Variants in DNAJC5B observed in about 807,000 individuals in gnomAD.
DNAJC5B encodes dnaJ homolog subfamily C member 5B.
A neutral mutation model predicts 24.7 loss-of-function variants in DNAJC5B; 23 were observed. That is an observed-to-expected ratio of 0.93 (90% CI 0.67 to 1.32). The LOEUF (loss-of-function observed/expected upper bound fraction) is 1.32. DNAJC5B is among the 40% of genes most tolerant of loss of function. The probability of loss-of-function intolerance (pLI) is 0.00; values close to 1 mark genes in which losing one functional copy is unlikely to be tolerated. For missense variants in DNAJC5B, 238 were observed against 240.8 expected (o/e 0.99, Z 0.08); for synonymous variants, 101 against 90.1 (o/e 1.12, Z -0.68).
intron 1 of DNAJC5B, among the ~76,000 whole-genome samples, chr8:66,026,275 T>A (rs1479107480): frequency 6.6e-6 from 1 of 151,642 alleles, no homozygotes; most frequent in Non-Finnish European, 1.5e-5. Context: ...ATTGATTTTG[T>A]ATCCTGAGAC....
intron 5 of DNAJC5B, among the ~76,000 whole-genome samples, chr8:66,095,792 T>C (rs1807940522): frequency 6.6e-6 from 1 of 152,012 alleles, no homozygotes; most frequent in Non-Finnish European, 1.5e-5. Context: ...TATATCTTAA[T>C]TTTCAATCTT....
chr8:66,046,683 C>G (rs1806729818), intron 2 of DNAJC5B, among the ~76,000 whole-genome samples: 1 of 152,188 alleles, frequency 6.6e-6, no homozygotes, highest in African/African-American at 2.4e-5. Context: ...GCCCGCTGCC[C>G]CTCGGGGGCT....
At chr8:66,038,825 C>A (rs935020803) in intron 1 of DNAJC5B, among the ~76,000 whole-genome samples, 1 of 152,160 alleles carries the variant, frequency 6.6e-6, no homozygotes, top group Non-Finnish European at 1.5e-5. Flanking sequence ...TTTATTACAG[C>A]AATTGCTTAC....
intron 5 of DNAJC5B, among the ~76,000 whole-genome samples, chr8:66,081,742 G>A (rs1431016297): frequency 6.6e-6 from 1 of 152,078 alleles, no homozygotes; most frequent in Non-Finnish European, 1.5e-5. Flanking sequence ...AGGACAGAAG[G>A]AGTTTTCTTG....
In DNAJC5B at chr8:66,080,502, G is replaced by A. The variant is rs7006209; in HGVS notation, c.459G>A (p.Val153=). 78,408 of 1,613,428 alleles carry A rather than the reference G, an allele frequency of 0.049. 2,834 individuals are homozygous for A. Among genetic ancestry groups the A allele is most frequent in the African/African-American group, 0.18 (13,261 of 74,970 alleles). ...CAGTGCCAGAAGAGGACTTCTATGT[G>A]TCCCCAGAGGATCTGGAGGAGCAGA... The part of the protein sequence containing the change: ...ESSVPEEDFY[V]SPEDLEEQIK... The change falls in exon 5 of 6, where the codon GTG becomes GTA. Residue 153 remains valine (V), a synonymous_variant. Transcript: ENST00000276570.
upstream of DNAJC5B, among the ~76,000 whole-genome samples, chr8:66,019,948 C>T (rs888416728): frequency 3.9e-5 from 6 of 152,204 alleles, no homozygotes; most frequent in African/African-American, 1.4e-4. Context: ...TGTCCATTAA[C>T]CATTTCCCTA....
chr8:66,029,713 G>A (rs888943026), intron 1 of DNAJC5B, among the ~76,000 whole-genome samples: 2 of 152,128 alleles, frequency 1.3e-5, no homozygotes, highest in South Asian at 2.1e-4. Flanking sequence ...TTAATTGATC[G>A]GCCTGGTTTA....
At chr8:66,061,808 T>C (rs908686092) in intron 3 of DNAJC5B, among the ~76,000 whole-genome samples, 1 of 152,040 alleles carries the variant, frequency 6.6e-6, no homozygotes, top group South Asian at 2.1e-4. Flanking sequence ...TTAAAAATGT[T>C]GAAGGGACAC....
At chr8:66,038,511 ACTGCTTAG>A (rs1806537168) in intron 1 of DNAJC5B, among the ~76,000 whole-genome samples, 1 of 152,222 alleles carries the variant, frequency 6.6e-6, no homozygotes, top group Non-Finnish European at 1.5e-5. Context: ...GGCTTTGTAG[ACTGCTTAG>A]CCACATTCAG....
At chr8:66,015,746 T>C in the DNAJC5B span, among the ~76,000 whole-genome samples, 1 of 152,086 alleles carries the variant, frequency 6.6e-6, no homozygotes, top group African/African-American at 2.4e-5. Context: ...TGGGCACAGA[T>C]GTGGATGTAT....
At chr8:66,081,971 G>A (rs1563608592) in intron 5 of DNAJC5B, among the ~76,000 whole-genome samples, 2 of 152,178 alleles carry the variant, frequency 1.3e-5, no homozygotes, top group Non-Finnish European at 2.9e-5. Flanking sequence ...AGGATTACAA[G>A]TAAATGGGTT....
chr8:66,020,775 C>T (rs1806100113), upstream of DNAJC5B, among the ~76,000 whole-genome samples: 1 of 152,038 alleles, frequency 6.6e-6, no homozygotes, highest in Admixed American at 6.6e-5. Flanking sequence ...GTAGTTAGAA[C>T]TACAGGCACG....
chr8:66,062,365 G>C (rs1320768714), intron 3 of DNAJC5B, among the ~76,000 whole-genome samples: 4 of 152,160 alleles, frequency 2.6e-5, no homozygotes, highest in African/African-American at 9.7e-5. Flanking sequence ...AGAGCATTTT[G>C]TATGATTCTG....
At chr8:66,015,217 A>T in the DNAJC5B span, among the ~76,000 whole-genome samples, 1 of 136,684 alleles carries the variant, frequency 7.3e-6, no homozygotes, top group African/African-American at 3.4e-5. Flanking sequence ...AGGCAAGGAC[A>T]TGGGTAGTCT....
intron 3 of DNAJC5B, among the ~76,000 whole-genome samples, chr8:66,052,403 A>C (rs1370554768): frequency 6.6e-6 from 1 of 152,160 alleles, no homozygotes; most frequent in Admixed American, 6.5e-5. Context: ...GTTCCAAGTT[A>C]GCTATTTTTG....
At chr8:66,057,856 G>A (rs992525268) in intron 3 of DNAJC5B, 2 of 152,186 alleles carry the variant, frequency 1.3e-5, no homozygotes, top group Non-Finnish European at 2.9e-5. Flanking sequence ...GGGGAAATAC[G>A]TTCTCACATA....
rs1807964010 is a variant in DNAJC5B, at chr8:66,096,840, T to C, written c.506-3097T>C. On this transcript the variant is annotated intron_variant, in intron 5 of 5. Coordinates refer to ENST00000276570, the MANE Select transcript of DNAJC5B (RefSeq NM_033105.6). ...GTACTATATCCATTGGTATTTATTA[T>C]CTTCAATATAATGTACTTTGATCTT... Among the ~76,000 whole-genome samples, 4 of 152,174 alleles carry C rather than the reference T, an allele frequency of 2.6e-5. No individual in the cohort carries two copies. In the South Asian group the frequency reaches 8.3e-4, roughly 31 times the overall value.
At chr8:66,054,020 C>A (rs541513125) in intron 3 of DNAJC5B, among the ~76,000 whole-genome samples, 4 of 150,872 alleles carry the variant, frequency 2.7e-5, no homozygotes, top group African/African-American at 9.8e-5. Context: ...CTGTGGCCTA[C>A]GGTTATTTTG....
chr8:66,046,264 C>T (rs78109157), intron 2 of DNAJC5B, among the ~76,000 whole-genome samples: 4,057 of 152,258 alleles, frequency 0.027, 64 homozygotes, highest in East Asian at 0.063. Flanking sequence ...TTCAGGAGCT[C>T]CCTCTTAGTC....
Sources: allele counts gnomAD v4.1 joint callset (sites outside exome capture counted in the v4.1 genomes callset), GRCh38; gene constraint gnomAD v4.1.1; transcripts MANE v1.5; gene names NCBI Gene and HGNC (gene_info 2026-07-23, HGNC 2026-07-21).